The following TNPO2 variants were observed in gnomAD, a reference collection of about 807,000 sequenced individuals.
TNPO2 encodes the protein transportin 2.
TNPO2 carries 16 observed loss-of-function variants against 111.1 expected under a neutral mutation model. The observed-to-expected ratio is 0.14, with a 90% confidence interval of 0.10 to 0.22. The LOEUF is 0.22. Ranked by LOEUF, TNPO2 falls within the 10% of genes least tolerant of loss-of-function variation. The pLI is 1.00. For synonymous variants in TNPO2, 481 were observed against 475.8 expected, an observed-to-expected ratio of 1.01 and a Z score of -0.14; for missense variants, 530 against 1,173.7, an observed-to-expected ratio of 0.45 and a Z score of 8.01.
Position 12,702,016 on chromosome 19 carries a change from A to T in TNPO2, c.2411+56T>A. 6.5e-7 allele frequency: 1 copy of T among 1,545,552 alleles called. No homozygotes were observed. The highest frequency in any genetic ancestry group is 1.4e-5 in the African/African-American group (1 of 73,484). On this transcript the variant is annotated intron_variant, in intron 22 of 25. Coordinates refer to ENST00000425528, the MANE Select transcript of TNPO2 (RefSeq NM_001382241.1). This position sits in a 1 kb window ranked among gnomAD's most constrained non-coding sequence, Gnocchi z 5.5. Reference sequence around the variant, plus strand: ...GGGGCTGGAAATGCACAGGCGAGGGAGGGGGTTGGGCCAGTCCCGCCCACC... The same window carrying T: ...GGGGCTGGAAATGCACAGGCGAGGGTGGGGGTTGGGCCAGTCCCGCCCACC...
chr19:12,705,234 AC>A lies in TNPO2; in HGVS notation c.2022+5del. 6.3e-7 allele frequency: 1 copy of A among 1,599,964 alleles called. No individual in the cohort carries two copies. The highest frequency in any genetic ancestry group is 8.5e-7 in the Non-Finnish European group (1 of 1,174,152). The stretch of plus-strand genomic sequence containing the variant: ...GGTGTCATCACTGTCCAGGGTCCCC[AC>A]CCACCTGCATGCACTGGAACAGCAA... On this transcript the variant is annotated splice_donor_5th_base_variant and intron_variant, in intron 18 of 25. Transcript: ENST00000425528. The surrounding 1 kb of genome is among the most constrained non-coding windows in gnomAD (Gnocchi z 7.2).
In TNPO2 at chr19:12,719,842, AG is replaced by A. The variant is rs764113835; in HGVS notation, c.100-507del. Among the ~76,000 whole-genome samples the A allele has an allele frequency of 1.3e-5, 2 of 151,358 alleles. No homozygotes were observed. Among genetic ancestry groups the A allele is most frequent in the African/African-American group, 2.4e-5 (1 of 41,072 alleles). The stretch of plus-strand genomic sequence containing the variant: ...ACAAGGAGTTGGGTGGAAATGTCTG[AG>A]TTTCCCATCCACTCCTGAAGACCCA... On this transcript the variant is annotated intron_variant, in intron 3 of 25. Transcript: ENST00000425528. The surrounding 1 kb of genome is among the most constrained non-coding windows in gnomAD (Gnocchi z 5.0).
At chr19:12,722,983 C>G (rs924096832) in intron 2 of TNPO2, among the ~76,000 whole-genome samples, 1 of 152,154 alleles carries the variant, frequency 6.6e-6, no homozygotes, top group African/African-American at 2.4e-5. Context: ...TCCAGAGGTA[C>G]TTGGGAGGAG....
chr19:12,705,184 C>G lies in TNPO2; in HGVS notation c.2022+56G>C, dbSNP rs2025566082. 1 of 1,540,190 alleles carries G rather than the reference C, an allele frequency of 6.5e-7. No homozygotes were observed. Among genetic ancestry groups the G allele is most frequent in the Non-Finnish European group, 8.8e-7 (1 of 1,135,246 alleles). On this transcript the variant is annotated intron_variant, in intron 18 of 25. Transcript: ENST00000425528. This position sits in a 1 kb window ranked among gnomAD's most constrained non-coding sequence, Gnocchi z 7.2. ...GCACAACCAGGCCCTGACTCCCCAC[C>G]AGGGGCAGCCCACGCAGGCTGCTGG...
intron 13 of TNPO2, among the ~76,000 whole-genome samples, chr19:12,707,284 A>G (rs2025739809): frequency 6.6e-6 from 1 of 152,176 alleles, no homozygotes; most frequent in African/African-American, 2.4e-5. Flanking sequence ...GGCGTGAGCC[A>G]CCGCGCCCAG....
rs562993874 is a variant in TNPO2, at chr19:12,705,016, T to A, written c.2022+224A>T. Reference sequence around the variant, plus strand: ...TCAATACTGTTTGCTTTAAAAAAAATTTTTTTTTTTAATTTTAGAACTGGG... The same window carrying A: ...TCAATACTGTTTGCTTTAAAAAAAAATTTTTTTTTTAATTTTAGAACTGGG... On this transcript the variant is annotated intron_variant, in intron 18 of 25. Coordinates refer to ENST00000425528, the MANE Select transcript of TNPO2 (RefSeq NM_001382241.1). This position sits in a 1 kb window ranked among gnomAD's most constrained non-coding sequence, Gnocchi z 7.2. Among the ~76,000 whole-genome samples, 115 of 150,436 alleles carry A rather than the reference T, an allele frequency of 7.6e-4. No homozygotes were observed. The highest frequency in any genetic ancestry group is 1.0e-3 in the Admixed American group (15 of 15,054).
Position 12,715,629 on chromosome 19 carries a change from C to T in TNPO2, c.432+4G>A. The T allele has an allele frequency of 6.2e-7, 1 of 1,613,800 alleles. No individual in the cohort carries two copies. Among genetic ancestry groups the T allele is most frequent in the Non-Finnish European group, 8.5e-7 (1 of 1,179,802 alleles). ...GCTCTGGCCATCCATGGCTTCTTGC[C>T]TACCTCACAAGTGTTGTAATCCTCC... On this transcript the variant is annotated splice_donor_region_variant and intron_variant, in intron 6 of 25. Coordinates refer to ENST00000425528, the MANE Select transcript of TNPO2 (RefSeq NM_001382241.1). The surrounding 1 kb of genome is among the most constrained non-coding windows in gnomAD (Gnocchi z 7.1).
intron 9 of TNPO2, 48 bp downstream of exon 9, chr19:12,714,999 C>A: frequency 6.3e-7 from 1 of 1,583,652 alleles, no homozygotes; most frequent in South Asian, 1.1e-5. Flanking sequence ...CTGACCCCTG[C>A]CACCGGCCCC....
chr19:12,714,314 C>CTT (rs930361446), intron 10 of TNPO2, among the ~76,000 whole-genome samples: 34 of 136,314 alleles, frequency 2.5e-4, no homozygotes, highest in African/African-American at 6.3e-4. Flanking sequence ...TTTTTCATTT[C>CTT]TTTTTTTTTT....
chr19:12,722,864 A>G (rs1441140489), intron 2 of TNPO2, among the ~76,000 whole-genome samples: 1 of 152,172 alleles, frequency 6.6e-6, no homozygotes, highest in Non-Finnish European at 1.5e-5. Context: ...GGAGTTTGGT[A>G]GCGCGTGGGG....
chr19:12,718,983 A>G (rs2026520314), intron 5 of TNPO2, 46 bp downstream of exon 5: 1 of 1,606,812 alleles, frequency 6.2e-7, no homozygotes, highest in Admixed American at 1.7e-5. Context: ...CTGAGAAGTG[A>G]GAGTTCAGTG....
chr19:12,710,418 A>G (rs1055183214), intron 13 of TNPO2, among the ~76,000 whole-genome samples: 1 of 152,142 alleles, frequency 6.6e-6, no homozygotes. Flanking sequence ...ACCTGCCTGC[A>G]AGAATGAACA....
intron 5 of TNPO2, among the ~76,000 whole-genome samples, chr19:12,717,929 G>T (rs1391054778): frequency 1.3e-5 from 2 of 152,162 alleles, no homozygotes; most frequent in Non-Finnish European, 2.9e-5. Flanking sequence ...TGATCCGCCT[G>T]CCTTGGCCTC....
In TNPO2 at chr19:12,705,806, G is replaced by T; in HGVS notation, c.1669-38C>A. 1 of 1,403,596 alleles carries T rather than the reference G, an allele frequency of 7.1e-7. No individual in the cohort carries two copies. The highest frequency in any genetic ancestry group is 9.5e-7 in the Non-Finnish European group (1 of 1,055,298). The allele number at this position is 1,403,596 out of a possible 1,614,324, so 86.9% of individuals were successfully genotyped here. A position where few individuals can be genotyped will look rare whatever the true frequency, so the allele number is the denominator to read the frequency against. On this transcript the variant is annotated intron_variant, in intron 15 of 25. Coordinates refer to ENST00000425528, the MANE Select transcript of TNPO2 (RefSeq NM_001382241.1). The surrounding 1 kb of genome is among the most constrained non-coding windows in gnomAD (Gnocchi z 7.2). ...CACGAAATGGGCGCTCCCTGGGTCG[G>T]GGTGGCAGACTGTGACTCAGGTACC...
At chr19:12,704,486 A>T (rs1041192791) in intron 18 of TNPO2, among the ~76,000 whole-genome samples, 1 of 152,206 alleles carries the variant, frequency 6.6e-6, no homozygotes, top group African/African-American at 2.4e-5. Context: ...TGTCAACAGT[A>T]TGGGAATAGT....
intron 5 of TNPO2, among the ~76,000 whole-genome samples, chr19:12,717,182 C>T: frequency 6.8e-6 from 1 of 146,326 alleles, no homozygotes; most frequent in African/African-American, 2.8e-5. Flanking sequence ...CCCCCTCATT[C>T]TGTGTGCCTC....
At position 12,702,206 on chromosome 19, in the gene TNPO2, A is replaced by T; in HGVS notation, c.2306-29T>A. 1 of 1,586,526 alleles carries T rather than the reference A, an allele frequency of 6.3e-7. No homozygotes were observed. Among genetic ancestry groups the T allele is most frequent in the Non-Finnish European group, 8.6e-7 (1 of 1,160,496 alleles). On this transcript the variant is annotated intron_variant, in intron 21 of 25. Coordinates refer to ENST00000425528, the MANE Select transcript of TNPO2 (RefSeq NM_001382241.1). The surrounding 1 kb of genome is among the most constrained non-coding windows in gnomAD (Gnocchi z 5.5). ...CAACCCCGAGCGGCCCCGGGACGGT[A>T]CGTGGCGGGGCCTCTGGCACAAGGC...
chr19:12,710,917 G>C, intron 12 of TNPO2, 144 bp from the exon 13 acceptor site: 1 of 970,532 alleles, frequency 1.0e-6, no homozygotes, highest in Non-Finnish European at 1.4e-6. Context: ...TTTTTGAGAC[G>C]GAGTCTCACT....
At chr19:12,717,173 C>A (rs569240037) in intron 5 of TNPO2, among the ~76,000 whole-genome samples, 2 of 145,634 alleles carry the variant, frequency 1.4e-5, no homozygotes, top group South Asian at 4.2e-4. Flanking sequence ...TTAGCCACAC[C>A]CCCTCATTCT....
Sources: allele counts gnomAD v4.1 joint callset (sites outside exome capture counted in the v4.1 genomes callset), GRCh38; gene constraint gnomAD v4.1.1; non-coding constraint Gnocchi (gnomAD v3.1); transcripts MANE v1.5; gene names NCBI Gene and HGNC (gene_info 2026-07-23, HGNC 2026-07-21).